Variants in UBAP1 observed in about 807,000 individuals in gnomAD.
UBAP1 encodes ubiquitin associated protein 1, also known as ubiquitin-associated protein 1.
In UBAP1, 5 loss-of-function variants were observed where a neutral mutation model predicts 39.0. The observed-to-expected ratio is 0.13, with a 90% confidence interval of 0.07 to 0.27. The LOEUF (loss-of-function observed/expected upper bound fraction) is 0.27, where lower values mean the gene tolerates loss of function less well. UBAP1 is among the 10% of genes least tolerant of loss of function. The pLI is 1.00. For synonymous variants in UBAP1, 211 were observed against 225.1 expected (o/e 0.94, Z 0.56); for missense variants, 490 against 608.1 (o/e 0.81, Z 2.04).
At chr9:34,248,323 C>T (rs1378938261) in intron 4 of UBAP1, among the ~76,000 whole-genome samples, 2 of 152,154 alleles carry the variant, frequency 1.3e-5, no homozygotes, top group Non-Finnish European at 1.5e-5. Flanking sequence ...CGTGAGCCAC[C>T]GCACCTGGCT....
At position 34,251,442 on chromosome 9, in the gene UBAP1, G is replaced by T; in HGVS notation, c.1419G>T (p.Glu473Asp). 6.2e-7 allele frequency: 1 copy of T among 1,614,156 alleles called. No individual in the cohort carries two copies. Among genetic ancestry groups the T allele is most frequent in the Non-Finnish European group, 8.5e-7 (1 of 1,180,004 alleles). Residue 473 changes from glutamate to aspartate, a missense_variant, in exon 7 of 7, where the codon GAG becomes GAT. Glu to Asp is a conservative substitution (Grantham distance 45). This residue lies in a region of UBAP1 where 339 missense variants were observed against 390.0 expected (regional missense o/e 0.87). Coordinates refer to ENST00000297661, the MANE Select transcript of UBAP1 (RefSeq NM_016525.5). ...GCAAATTTAAGGAGATGGGCTTTGA[G>T]CTGAAAGACATTAAGGAAGTTTTGC... ...LMSKFKEMGF[E>D]LKDIKEVLLL...
Position 34,241,647 on chromosome 9 carries a change from G to A in UBAP1, c.622G>A (p.Val208Met), listed in dbSNP as rs1352705378. Residue 208 changes from valine to methionine, a missense_variant, in exon 4 of 7, where the codon GTG becomes ATG. Physicochemically the swap from Val to Met is conservative, Grantham distance 21 (BLOSUM62 1). Coordinates refer to ENST00000297661, the MANE Select transcript of UBAP1 (RefSeq NM_016525.5). ...CTTGCCCAGGGGAGGCTCTGGGTCT[G>A]TGTTACAGGATGAGGAGGTCCTGGC... ...NNLPRGGSGS[V>M]LQDEEVLASL... 6.2e-7 allele frequency: 1 copy of A among 1,614,090 alleles called. No individual in the cohort carries two copies. Among genetic ancestry groups the A allele is most frequent in the East Asian group, 2.2e-5 (1 of 44,874 alleles).
chr9:34,244,430 T>A (rs1458655885), intron 4 of UBAP1, among the ~76,000 whole-genome samples: 2 of 118,744 alleles, frequency 1.7e-5, no homozygotes, highest in East Asian at 2.4e-4. Context: ...CACATTTTTT[T>A]AATCCATCCT....
At chr9:34,233,315 G>A (rs1369284036) in intron 2 of UBAP1, among the ~76,000 whole-genome samples, 4 of 151,016 alleles carry the variant, frequency 2.6e-5, no homozygotes, top group African/African-American at 9.7e-5. Context: ...TCCGTCTCCT[G>A]GGTTCAAGCG....
Position 34,180,743 on chromosome 9 carries a change from A to AT in UBAP1, c.-8+1505dup, listed in dbSNP as rs1829969415. Among the ~76,000 whole-genome samples the AT allele has an allele frequency of 3.3e-5, 5 of 152,146 alleles. No homozygotes were observed. In the South Asian group the frequency reaches 1.0e-3, roughly 32 times the overall value. On this transcript the variant is annotated intron_variant, in intron 1 of 6. Coordinates refer to ENST00000297661, the MANE Select transcript of UBAP1 (RefSeq NM_016525.5). ...TCTTTAGTGAGTGACCATCGCTGTC[A>AT]TTGCACAGCAGATAACTTTACTAAC...
chr9:34,250,851 T>C (rs746257906), intron 6 of UBAP1, 92 bp downstream of exon 6: 6 of 1,094,990 alleles, frequency 5.5e-6, no homozygotes, highest in Non-Finnish European at 8.3e-6. Context: ...CACAACCTTT[T>C]TGCTTTGCCA....
chr9:34,217,783 C>CTTTTTT (rs750494361), intron 1 of UBAP1, among the ~76,000 whole-genome samples: 1,452 of 41,268 alleles, frequency 0.035, 306 homozygotes, highest in Non-Finnish European at 0.043. Context: ...GGATTTCGTT[C>CTTTTTT]TTTTTTTTTT....
intron 1 of UBAP1, among the ~76,000 whole-genome samples, chr9:34,181,116 C>CTTTCTTTTTTTTTTTTTTTT (rs1193356334): frequency 2.6e-4 from 19 of 72,276 alleles, no homozygotes; most frequent in Admixed American, 5.8e-4. Context: ...GGCCTGTTTT[C>CTTTCTTTTTTTTTTTTTTTT]TTTTTTTTTT....
intron 1 of UBAP1, among the ~76,000 whole-genome samples, chr9:34,194,646 T>A (rs1157882039): frequency 1.3e-5 from 2 of 152,200 alleles, no homozygotes; most frequent in East Asian, 3.8e-4. Flanking sequence ...CCATTGGAAA[T>A]ATCCACTATT....
chr9:34,212,654 AT>A (rs1832083965), intron 1 of UBAP1, among the ~76,000 whole-genome samples: 1 of 152,102 alleles, frequency 6.6e-6, no homozygotes, highest in African/African-American at 2.4e-5. Flanking sequence ...CCTAGCTTAA[AT>A]CAGGAGGAAT....
At chr9:34,196,636 G>A (rs567176663) in intron 1 of UBAP1, among the ~76,000 whole-genome samples, 1 of 151,222 alleles carries the variant, frequency 6.6e-6, no homozygotes, top group South Asian at 2.1e-4. Flanking sequence ...ATATAGACAC[G>A]GTCTCACTAT....
intron 4 of UBAP1, among the ~76,000 whole-genome samples, chr9:34,246,778 C>T (rs1219223849): frequency 2.0e-5 from 3 of 152,210 alleles, no homozygotes; most frequent in East Asian, 1.9e-4. Context: ...CCTTCTGAGG[C>T]CTGAGAGCAT....
intron 1 of UBAP1, among the ~76,000 whole-genome samples, chr9:34,208,897 G>A (rs1168060355): frequency 6.6e-6 from 1 of 151,800 alleles, no homozygotes; most frequent in East Asian, 1.9e-4. Flanking sequence ...CCTGGATGGA[G>A]TGAGCCGAGA....
intron 1 of UBAP1, among the ~76,000 whole-genome samples, chr9:34,211,260 C>G (rs1832004066): frequency 6.6e-6 from 1 of 152,096 alleles, no homozygotes; most frequent in Admixed American, 6.6e-5. Flanking sequence ...AGAGAGAAGA[C>G]AGAAAACTTC....
intron 1 of UBAP1, among the ~76,000 whole-genome samples, chr9:34,216,642 ATTTTTTTTTTTTTT>A (rs57204146): frequency 1.4e-5 from 1 of 70,186 alleles, no homozygotes; most frequent in Non-Finnish European, 2.6e-5. Flanking sequence ...CACCATGCTA[ATTTTTTTTTTTTTT>A]TTTTTTTTTT....
rs898689217 is a variant in UBAP1, at chr9:34,242,084, A to G, written c.1059A>G (p.Ser353=). Residue 353 remains serine, a synonymous_variant, in exon 4 of 7, where the codon TCA becomes TCG. Coordinates refer to ENST00000297661, the MANE Select transcript of UBAP1 (RefSeq NM_016525.5). ...LSVLSVCTEE[S]SPPNTGPTVT... The stretch of plus-strand genomic sequence containing the variant: ...TTTTGTCTGTGTGCACAGAGGAATC[A>G]TCACCTCCAAATACTGGTCCCACGG... 1.2e-6 allele frequency: 2 copies of G among 1,605,324 alleles called. No individual in the cohort carries two copies. Among genetic ancestry groups the G allele is most frequent in the Non-Finnish European group, 8.5e-7 (1 of 1,172,804 alleles).
chr9:34,211,720 T>C (rs1260551206), intron 1 of UBAP1, among the ~76,000 whole-genome samples: 5 of 152,142 alleles, frequency 3.3e-5, no homozygotes, highest in South Asian at 2.1e-4. Context: ...ACTTTTCCTT[T>C]TCCCATTTCT....
chr9:34,201,359 A>G (rs1831359205), intron 1 of UBAP1: 1 of 152,184 alleles, frequency 6.6e-6, no homozygotes, highest in Non-Finnish European at 1.5e-5. Flanking sequence ...AGTCTGGCCA[A>G]CATGGTGAAA....
intron 5 of UBAP1, 115 bp downstream of exon 5, chr9:34,250,076 G>A (rs891168353): frequency 8.8e-7 from 1 of 1,135,226 alleles, no homozygotes. Context: ...CTGTGGGTTT[G>A]TGAGGACACG....
Sources: gnomAD v4.1 joint callset for allele counts (sites outside exome capture counted in the v4.1 genomes callset) on GRCh38, gnomAD v4.1.1 for gene constraint, gnomAD v4.1.1 regional missense constraint, MANE v1.5 for transcripts, NCBI Gene and HGNC (gene_info 2026-07-23, HGNC 2026-07-21) for gene names.